Variants in MYORG observed in about 807,000 individuals in gnomAD.
MYORG encodes myogenesis regulating glycosidase.
Under a neutral mutation model 49.8 loss-of-function variants are expected in MYORG, and 45 were observed. That is an observed-to-expected ratio of 0.90 (90% confidence interval 0.71 to 1.16). The LOEUF (loss-of-function observed/expected upper bound fraction) is 1.16. MYORG is among the 50% of genes most tolerant of loss of function. MYORG has a pLI of 0.00. For synonymous variants in MYORG, 552 were observed against 462.9 expected (o/e 1.19, Z -2.47); for missense variants, 1,110 against 1,026.5 (o/e 1.08, Z -1.11).
At position 34,372,923 on chromosome 9, in the gene MYORG, C is replaced by T; in HGVS notation, c.21G>A (p.Glu7=). The part of the protein sequence containing the change: MLQNPQ[E]KSQAYPRRRR... ...GGCGGCGGGGGTAGGCCTGGCTCTT[C>T]TCCTGAGGGTTCTGGAGCATTAGTG... Residue 7 remains glutamate (E), a synonymous_variant, in exon 2 of 2, where the codon GAG becomes GAA. Transcript: ENST00000297625. The T allele has an allele frequency of 6.2e-7, 1 of 1,613,774 alleles. No homozygotes were observed. Among genetic ancestry groups the T allele is most frequent in the Non-Finnish European group, 8.5e-7 (1 of 1,179,818 alleles).
Position 34,370,655 on chromosome 9 carries a change from G to A in MYORG, c.*144C>T. The A allele has an allele frequency of 1.4e-6, 2 of 1,396,980 alleles. No individual in the cohort carries two copies. The highest frequency in any genetic ancestry group is 1.9e-6 in the Non-Finnish European group (2 of 1,056,720). The allele number at this position is 1,396,980 out of a possible 1,614,324, so 86.5% of individuals were successfully genotyped here. On this transcript the variant is annotated 3_prime_UTR_variant, in exon 2 of 2. Transcript: ENST00000297625. Reference sequence around the variant, plus strand: ...TCCCTAGGCCCCACCTTCAGCAGCTGGTTCCAGCACATTTAAGTCAGCAGC... The same window carrying A: ...TCCCTAGGCCCCACCTTCAGCAGCTAGTTCCAGCACATTTAAGTCAGCAGC...
chr9:34,371,769 T>C lies in MYORG; in HGVS notation c.1175A>G (p.His392Arg). 6.2e-7 allele frequency: 1 copy of C among 1,613,764 alleles called. No homozygotes were observed. The highest frequency in any genetic ancestry group is 8.5e-7 in the Non-Finnish European group (1 of 1,179,742). The part of the protein sequence containing the change: ...DAGFRVTLWV[H>R]PFVNYNSSRF... ...CGACGAGTTGTAGTTGACAAAAGGG[T>C]GCACCCAGAGCGTGACGCGGAAGCC... Residue 392 changes from histidine to arginine, a missense_variant, in exon 2 of 2, where the codon CAC (histidine) becomes CGC (arginine). Physicochemically the swap from His to Arg is conservative, Grantham distance 29 (BLOSUM62 0). Transcript: ENST00000297625.
At position 34,369,305 on chromosome 9, in the gene MYORG, A is replaced by C. The variant is rs1468074878; in HGVS notation, c.*1494T>G. The C allele has an allele frequency of 1.3e-5, 2 of 152,166 alleles. No homozygotes were observed. Among genetic ancestry groups the C allele is most frequent in the African/African-American group, 4.8e-5 (2 of 41,430 alleles). 9.4% of individuals were successfully genotyped at this position (152,166 alleles called of 1,614,324 possible). A position where few individuals can be genotyped will look rare whatever the true frequency, so the allele number is the denominator to read the frequency against. ...GAAGCTAAAGTTCACCCTGTTTCCCACCGACCCGCTCTGGCATGCCACTTT... is the reference window on the plus strand; with the variant it reads ...GAAGCTAAAGTTCACCCTGTTTCCCCCCGACCCGCTCTGGCATGCCACTTT... On this transcript the variant is annotated 3_prime_UTR_variant, in exon 2 of 2. Coordinates refer to ENST00000297625, the MANE Select transcript of MYORG (RefSeq NM_020702.5).
At position 34,372,401 on chromosome 9, in the gene MYORG, C is replaced by T. The variant is rs371374692; in HGVS notation, c.543G>A (p.Ala181=). The T allele has an allele frequency of 1.9e-6, 3 of 1,583,932 alleles. No individual in the cohort carries two copies. Among genetic ancestry groups the T allele is most frequent in the African/African-American group, 2.7e-5 (2 of 74,236 alleles). Residue 181 remains alanine (A), a synonymous_variant, in exon 2 of 2, where the codon GCG becomes GCA. Coordinates refer to ENST00000297625, the MANE Select transcript of MYORG (RefSeq NM_020702.5). ...AVEHAMFLGD[A]AAHWYGGAEM... ...CGGCGCCACCATACCAGTGGGCCGCCGCGTCGCCCAAGAACATGGCGTGCT... is the reference window on the plus strand; with the variant it reads ...CGGCGCCACCATACCAGTGGGCCGCTGCGTCGCCCAAGAACATGGCGTGCT...
chr9:34,372,404 G>A lies in MYORG; in HGVS notation c.540C>T (p.Asp180=), dbSNP rs774842324. ...CGCCACCATACCAGTGGGCCGCCGC[G>A]TCGCCCAAGAACATGGCGTGCTCCA... is the stretch of plus-strand genomic sequence containing the variant. ...RAVEHAMFLG[D]AAAHWYGGAE... The change falls in exon 2 of 2, where the codon GAC becomes GAT. Residue 180 remains aspartate, a synonymous_variant. Transcript: ENST00000297625. 4 of 1,583,930 alleles carry A rather than the reference G, an allele frequency of 2.5e-6. No individual in the cohort carries two copies. The highest frequency in any genetic ancestry group is 1.1e-5 in the South Asian group (1 of 87,348).
Position 34,371,231 on chromosome 9 carries a change from G to A in MYORG, c.1713C>T (p.Arg571=). The A allele has an allele frequency of 2.2e-5, 35 of 1,609,282 alleles. No homozygotes were observed. The highest frequency in any genetic ancestry group is 3.0e-5 in the Non-Finnish European group (35 of 1,177,928). ...QRTAGGDVPE[R]ELYIRWLEVA... is the part of the protein sequence containing the mutation. ...CTTCCAGCCAGCGAATGTAGAGCTC[G>A]CGCTCGGGCACATCGCCGCCGGCTG... The change falls in exon 2 of 2, where the codon CGC becomes CGT. Residue 571 remains arginine (R), a synonymous_variant. Transcript: ENST00000297625.
rs1820521477 is a variant in MYORG, at chr9:34,367,692, G to A, written c.*3107C>T. On this transcript the variant is annotated 3_prime_UTR_variant, in exon 2 of 2. Transcript: ENST00000297625. ...AGGAGGTGGGTTCCCATGGTCTTGG[G>A]CAGCTCCACCCCTATGGCATTGCAG... is the stretch of plus-strand genomic sequence containing the variant. 1 of 152,188 alleles carries A rather than the reference G, an allele frequency of 6.6e-6. No individual in the cohort carries two copies. The highest frequency in any genetic ancestry group is 2.4e-5 in the African/African-American group (1 of 41,446). 9.4% of individuals were successfully genotyped at this position (152,188 alleles called of 1,614,324 possible).
chr9:34,376,439 C>A lies in MYORG; in HGVS notation c.-64+354G>T, dbSNP rs1434681878. ...CCCGCCCGACTCAACTGAGGGGAGGCCATTCCAAGTAGAATCGTTAGTTGG... is the reference window on the plus strand; with the variant it reads ...CCCGCCCGACTCAACTGAGGGGAGGACATTCCAAGTAGAATCGTTAGTTGG... On this transcript the variant is annotated intron_variant, in intron 1 of 1. Transcript: ENST00000297625. This position sits in a 1 kb window ranked among gnomAD's most constrained non-coding sequence, Gnocchi z 4.4. 6.6e-6 allele frequency among the ~76,000 whole-genome samples: 1 copy of A among 152,182 alleles called. No homozygotes were observed. The highest frequency in any genetic ancestry group is 1.5e-5 in the Non-Finnish European group (1 of 68,032).
At position 34,372,022 on chromosome 9, in the gene MYORG, G is replaced by C. The variant is rs904742989; in HGVS notation, c.922C>G (p.Pro308Ala). 1.9e-6 allele frequency: 3 copies of C among 1,614,032 alleles called. No homozygotes were observed. The highest frequency in any genetic ancestry group is 2.5e-6 in the Non-Finnish European group (3 of 1,179,894). Residue 308 changes from proline to alanine, a missense_variant, in exon 2 of 2, where the codon CCA becomes GCA. Pro to Ala is a conservative substitution (Grantham distance 27). Coordinates refer to ENST00000297625, the MANE Select transcript of MYORG (RefSeq NM_020702.5). ...GGGTCTCGGAAGGCCTCGGGTGCTG[G>C]CACCCTTGACGGCTTGTTGAAGTAG... ...RRYFNKPSRV[P>A]APEAFRDPIW... is the part of the protein sequence containing the mutation.
Position 34,369,182 on chromosome 9 carries a change from G to T in MYORG, c.*1617C>A, listed in dbSNP as rs987755827. ...AATTATGGGAGCTACAATTCAAGAT[G>T]AGTTTTAGGTGGGGACACAGCCAAA... On this transcript the variant is annotated 3_prime_UTR_variant, in exon 2 of 2. Transcript: ENST00000297625. The T allele has an allele frequency of 6.6e-6, 1 of 152,198 alleles. No individual in the cohort carries two copies. The highest frequency in any genetic ancestry group is 2.4e-5 in the African/African-American group (1 of 41,434). 9.4% of individuals were successfully genotyped at this position (152,198 alleles called of 1,614,324 possible).
rs1484207468 is a variant in MYORG at position 34,373,006 on chromosome 9, T to C, written c.-63A>G. The C allele has an allele frequency of 6.4e-7, 1 of 1,556,126 alleles. No homozygotes were observed. Among genetic ancestry groups the C allele is most frequent in the Non-Finnish European group, 8.7e-7 (1 of 1,143,544 alleles). ...TCTGACTGAGTTCATCTCAACCTGC[T>C]CTGAAAGGAGGAGACAGAGATGGAA... On this transcript the variant is annotated splice_region_variant and 5_prime_UTR_variant, in exon 2 of 2. Coordinates refer to ENST00000297625, the MANE Select transcript of MYORG (RefSeq NM_020702.5).
chr9:34,371,414 CT>C lies in MYORG; in HGVS notation c.1529del (p.Gln510ArgfsTer244), dbSNP rs1820594655. On this transcript the variant is annotated frameshift_variant, in exon 2 of 2. Coordinates refer to ENST00000297625, the MANE Select transcript of MYORG (RefSeq NM_020702.5). LOFTEE classifies it high-confidence loss of function. ...LAEVRVGYQS[Q>X]NISCFFRLVD... is the part of the protein sequence containing the mutation. ...CCAGGCGGAAGAAGCAGGAGATGTT[CT>C]GTGACTGGTAGCCTACGCGCACCTC... The C allele has an allele frequency of 6.2e-7, 1 of 1,613,290 alleles. No individual in the cohort carries two copies. The highest frequency in any genetic ancestry group is 8.5e-7 in the Non-Finnish European group (1 of 1,179,814).
rs1417228713 is a variant in MYORG, at chr9:34,370,647, C to G, written c.*152G>C. 1 of 1,377,028 alleles carries G rather than the reference C, an allele frequency of 7.3e-7. No individual in the cohort carries two copies. The highest frequency in any genetic ancestry group is 1.5e-5 in the African/African-American group (1 of 68,460). 85.3% of individuals were successfully genotyped at this position (1,377,028 alleles called of 1,614,324 possible). On this transcript the variant is annotated 3_prime_UTR_variant, in exon 2 of 2. Coordinates refer to ENST00000297625, the MANE Select transcript of MYORG (RefSeq NM_020702.5). ...GTGCCCCCTCCCTAGGCCCCACCTT[C>G]AGCAGCTGGTTCCAGCACATTTAAG...
chr9:34,375,476 A>G (rs543508448), intron 1 of MYORG, among the ~76,000 whole-genome samples: 4 of 152,378 alleles, frequency 2.6e-5, no homozygotes, highest in Non-Finnish European at 4.4e-5. Flanking sequence ...TGGAAAATGC[A>G]GCCAGTGGCC....
chr9:34,373,776 G>A (rs1820680591), intron 1 of MYORG, among the ~76,000 whole-genome samples: 1 of 152,194 alleles, frequency 6.6e-6, no homozygotes, highest in Admixed American at 6.5e-5. Flanking sequence ...TTAACAGGGC[G>A]GTAGGCTAGC....
chr9:34,371,346 G>A lies in MYORG; in HGVS notation c.1598C>T (p.Ser533Leu), dbSNP rs761392440. The change falls in exon 2 of 2, where the codon TCA becomes TTA. Residue 533 changes from serine (S) to leucine (L), a missense_variant. Ser to Leu is a moderately radical substitution (Grantham distance 145). Transcript: ENST00000297625. Reference protein sequence around the residue: ...SVWGYDLGLRSLIPAVLTVSM... With the variant: ...SVWGYDLGLRLLIPAVLTVSM... ...GACGGTGAGCACCGCGGGGATGAGT[G>A]AGCGCAACCCCAGGTCGTAGCCCCA... is the stretch of plus-strand genomic sequence containing the variant. 176 of 1,612,832 alleles carry A rather than the reference G, an allele frequency of 1.1e-4. No homozygotes were observed. The highest frequency in any genetic ancestry group is 1.4e-4 in the Non-Finnish European group (170 of 1,179,650).
intron 1 of MYORG, among the ~76,000 whole-genome samples, chr9:34,373,825 G>C (rs555590226): frequency 6.6e-6 from 1 of 152,326 alleles, no homozygotes; most frequent in East Asian, 1.9e-4. Context: ...GAGGAAGGGA[G>C]AACAGCTCAG....
rs1036121133 is a variant in MYORG, at chr9:34,376,479, G to A, written c.-64+314C>T. 6.6e-6 allele frequency among the ~76,000 whole-genome samples: 1 copy of A among 152,196 alleles called. No individual in the cohort carries two copies. Among genetic ancestry groups the A allele is most frequent in the African/African-American group, 2.4e-5 (1 of 41,456 alleles). ...TCGTTAGTTGGACACAGTTCCCGGG[G>A]GGATGGAAATGTCAAAGGCAACTCG... is the stretch of plus-strand genomic sequence containing the variant. On this transcript the variant is annotated intron_variant, in intron 1 of 1. Coordinates refer to ENST00000297625, the MANE Select transcript of MYORG (RefSeq NM_020702.5). This position sits in a 1 kb window ranked among gnomAD's most constrained non-coding sequence, Gnocchi z 4.4.
In MYORG at chr9:34,371,251, C is replaced by T; in HGVS notation, c.1693G>A (p.Gly565Ser). 6.2e-7 allele frequency: 1 copy of T among 1,608,050 alleles called. No homozygotes were observed. The highest frequency in any genetic ancestry group is 1.1e-5 in the South Asian group (1 of 90,354). ...AGCTCGCGCTCGGGCACATCGCCGC[C>T]GGCTGTCCGCTGGGGCACGGCGTTG... ...GGNAVPQRTAGGDVPERELYI... is the reference protein window; with the variant it reads ...GGNAVPQRTASGDVPERELYI... The change falls in exon 2 of 2, where the codon GGC becomes AGC. Residue 565 changes from glycine to serine, a missense_variant. Transcript: ENST00000297625.
Sources: allele counts gnomAD v4.1 joint callset (sites outside exome capture counted in the v4.1 genomes callset), GRCh38; gene constraint gnomAD v4.1.1; non-coding constraint Gnocchi (gnomAD v3.1); transcripts MANE v1.5; gene names NCBI Gene and HGNC (gene_info 2026-07-23, HGNC 2026-07-21).